Variants in CCBE1 observed in about 807,000 individuals in gnomAD.
The protein encoded by CCBE1 is collagen and calcium-binding EGF domain-containing protein 1.
CCBE1 carries 37 observed loss-of-function variants against 50.0 expected under a neutral mutation model. The ratio of observed to expected loss-of-function variants is 0.74; its 90% CI spans 0.57 to 0.97. The LOEUF (loss-of-function observed/expected upper bound fraction) is 0.97. Ranked by LOEUF, CCBE1 falls within the 50% of genes least tolerant of loss-of-function variation. The probability of loss-of-function intolerance (pLI) is 0.00; values close to 1 mark genes in which losing one functional copy is unlikely to be tolerated. For missense variants in CCBE1, 538 were observed against 523.8 expected, an observed-to-expected ratio of 1.03 and a Z score of -0.26; for synonymous variants, 234 against 203.7, an observed-to-expected ratio of 1.15 and a Z score of -1.27.
chr18:59,696,347 C>G, intron 2 of CCBE1: 1 of 657,054 alleles, frequency 1.5e-6, no homozygotes, highest in East Asian at 4.0e-5. Context: ...AAATCCAATC[C>G]AATCTCCTTC....
chr18:59,678,407 T>C (rs191352817), intron 2 of CCBE1, among the ~76,000 whole-genome samples: 1 of 152,200 alleles, frequency 6.6e-6, no homozygotes, highest in African/African-American at 2.4e-5. Flanking sequence ...GAGTAAATCA[T>C]TGATTTGACT....
intron 2 of CCBE1, among the ~76,000 whole-genome samples, chr18:59,629,765 GAC>G (rs2053828348): frequency 6.6e-6 from 1 of 152,196 alleles, no homozygotes; most frequent in South Asian, 2.1e-4. Flanking sequence ...ATCAAAAACA[GAC>G]AGGCATATGT....
chr18:59,566,538 T>A (rs1439121429), intron 2 of CCBE1, among the ~76,000 whole-genome samples: 3 of 152,168 alleles, frequency 2.0e-5, no homozygotes, highest in Non-Finnish European at 2.9e-5. Context: ...TAATACATGG[T>A]TTTCAGGCAT....
chr18:59,615,711 T>C (rs751341186), intron 2 of CCBE1, among the ~76,000 whole-genome samples: 13 of 152,180 alleles, frequency 8.5e-5, no homozygotes, highest in Non-Finnish European at 1.8e-4. Flanking sequence ...TGAGGTTATT[T>C]CTTTTGTCTG....
intron 2 of CCBE1, among the ~76,000 whole-genome samples, chr18:59,685,539 C>T (rs932682047): frequency 6.6e-6 from 1 of 152,198 alleles, no homozygotes; most frequent in African/African-American, 2.4e-5. Flanking sequence ...CAACCTTATG[C>T]TTTCTCCTCA....
At chr18:59,543,846 A>AAAAAAAAAAAAAC (rs1915574514) in intron 2 of CCBE1, among the ~76,000 whole-genome samples, 2 of 140,586 alleles carry the variant, frequency 1.4e-5, no homozygotes, top group Admixed American at 1.5e-4. Context: ...AAAAAAAAAA[A>AAAAAAAAAAAAAC]AAAAAAAAAA....
intron 2 of CCBE1, among the ~76,000 whole-genome samples, chr18:59,501,809 T>C (rs1341520625): frequency 6.6e-6 from 1 of 152,126 alleles, no homozygotes; most frequent in Admixed American, 6.5e-5. Context: ...GAGGCATTCA[T>C]TCCTTCATTT....
chr18:59,692,405 C>T (rs1322701903), intron 2 of CCBE1, among the ~76,000 whole-genome samples: 1 of 152,148 alleles, frequency 6.6e-6, no homozygotes, highest in Non-Finnish European at 1.5e-5. Flanking sequence ...GTCACAAAAC[C>T]ACCAAGTAGT....
intron 1 of CCBE1, 35 bp downstream of exon 1, chr18:59,697,177 G>A: frequency 3.2e-6 from 5 of 1,547,424 alleles, no homozygotes; most frequent in Non-Finnish European, 4.4e-6. Flanking sequence ...GCATCAAGCA[G>A]GAGCTCGCCC....
chr18:59,622,469 C>T (rs560018409), intron 2 of CCBE1, among the ~76,000 whole-genome samples: 16 of 151,148 alleles, frequency 1.1e-4, no homozygotes, highest in African/African-American at 3.4e-4. Context: ...ATGCCACTGC[C>T]CTCCAGCCTG....
chr18:59,505,177 G>A (rs1913813262), intron 2 of CCBE1, among the ~76,000 whole-genome samples: 1 of 152,104 alleles, frequency 6.6e-6, no homozygotes, highest in African/African-American at 2.4e-5. Flanking sequence ...GGGAGGAGTG[G>A]AAAAGTATAG....
In CCBE1 at chr18:59,484,765, T is replaced by G. The variant is rs535902915; in HGVS notation, c.213-4527A>C. 3.9e-5 allele frequency among the ~76,000 whole-genome samples: 6 copies of G among 152,334 alleles called. No homozygotes were observed. The South Asian group carries it at 1.2e-3, about 32-fold the overall frequency. ...AAGGGAAGGAGTTGTGAGATTCCAGTGCGCCCTTCTGTCTTCCCTAGAGTT... is the reference window on the plus strand; with the variant it reads ...AAGGGAAGGAGTTGTGAGATTCCAGGGCGCCCTTCTGTCTTCCCTAGAGTT... On this transcript the variant is annotated intron_variant, in intron 2 of 10. Transcript: ENST00000439986.
chr18:59,629,738 T>C (rs997198835), intron 2 of CCBE1, among the ~76,000 whole-genome samples: 3 of 152,164 alleles, frequency 2.0e-5, no homozygotes, highest in African/African-American at 7.2e-5. Context: ...GATGGTTTCC[T>C]GAGAAGATGG....
chr18:59,697,685 T>C (rs1216264780), upstream of CCBE1: 1 of 255,292 alleles, frequency 3.9e-6, no homozygotes, highest in Non-Finnish European at 7.5e-6. Flanking sequence ...CGCCCTCGCC[T>C]CTTCCCTCTC....
chr18:59,477,990 T>C (rs592672), intron 3 of CCBE1, among the ~76,000 whole-genome samples: 35,054 of 152,126 alleles, frequency 0.23, 4,341 homozygotes, highest in Non-Finnish European at 0.27. Flanking sequence ...GAGATTAACA[T>C]TGAAATCAGT....
At chr18:59,464,654 T>G (rs993121064) in intron 5 of CCBE1, among the ~76,000 whole-genome samples, 1 of 152,252 alleles carries the variant, frequency 6.6e-6, no homozygotes, top group African/African-American at 2.4e-5. Context: ...TTGCATTTAC[T>G]TCCGACATAT....
At chr18:59,689,813 C>T (rs994479668) in intron 2 of CCBE1, among the ~76,000 whole-genome samples, 1 of 152,154 alleles carries the variant, frequency 6.6e-6, no homozygotes, top group Admixed American at 6.5e-5. Context: ...TTTCACATTG[C>T]AATAATTCTT....
intron 2 of CCBE1, among the ~76,000 whole-genome samples, chr18:59,514,972 T>A (rs536883608): frequency 1.3e-5 from 2 of 152,334 alleles, no homozygotes; most frequent in South Asian, 4.1e-4. Flanking sequence ...CTTTTATGTT[T>A]GCAAAGCTGA....
At chr18:59,498,747 C>G (rs1288098616) in intron 2 of CCBE1, among the ~76,000 whole-genome samples, 2 of 151,992 alleles carry the variant, frequency 1.3e-5, no homozygotes, top group African/African-American at 2.4e-5. Context: ...AGGTCTGTGC[C>G]CAGCCAAAAA....
Sources: gnomAD v4.1 joint callset for allele counts (sites outside exome capture counted in the v4.1 genomes callset) on GRCh38, gnomAD v4.1.1 for gene constraint, MANE v1.5 for transcripts, NCBI Gene and HGNC (gene_info 2026-07-23, HGNC 2026-07-21) for gene names.